The following NFIB variants were observed in gnomAD, a reference collection of about 807,000 sequenced individuals.
NFIB encodes the protein nuclear factor I B, also known as nuclear factor 1 B-type.
NFIB carries 11 observed loss-of-function variants against 61.5 expected under a neutral mutation model. The ratio of observed to expected loss-of-function variants is 0.18; its 90% CI spans 0.11 to 0.30. The LOEUF is 0.30. Ranked by LOEUF, NFIB falls within the 10% of genes least tolerant of loss-of-function variation. The pLI is 1.00. For missense variants in NFIB, 471 were observed against 608.9 expected (o/e 0.77, Z 2.38); for synonymous variants, 260 against 216.5 (o/e 1.20, Z -1.76).
At chr9:14,450,108 A>G in the NFIB span, among the ~76,000 whole-genome samples, 1 of 152,030 alleles carries the variant, frequency 6.6e-6, no homozygotes, top group South Asian at 2.1e-4. Context: ...TCTTAATGCT[A>G]TCCCTCCCCC....
the NFIB span, among the ~76,000 whole-genome samples, chr9:14,473,935 A>T: frequency 0.5 from 76,615 of 151,982 alleles, 19,545 homozygotes; most frequent in Middle Eastern, 0.6. Context: ...ACTGTGGCAC[A>T]GGCTTCAGTT....
At chr9:14,286,446 C>A (rs1190719515) in intron 2 of NFIB, among the ~76,000 whole-genome samples, 2 of 152,180 alleles carry the variant, frequency 1.3e-5, no homozygotes, top group African/African-American at 4.8e-5. Flanking sequence ...CATGTACACA[C>A]TACAAAAATA....
chr9:14,413,095 C>G, the NFIB span, among the ~76,000 whole-genome samples: 1 of 151,954 alleles, frequency 6.6e-6, no homozygotes, highest in African/African-American at 2.4e-5. Context: ...GAACTGCCTT[C>G]CCATCATGCT....
At chr9:14,159,970 T>G (rs2043957388) in intron 3 of NFIB, among the ~76,000 whole-genome samples, 1 of 152,156 alleles carries the variant, frequency 6.6e-6, no homozygotes, top group Admixed American at 6.5e-5. Flanking sequence ...TATAGTAAAT[T>G]CCCTTCGTCT....
chr9:14,368,014 G>T (rs2061321500), intron 1 of NFIB, among the ~76,000 whole-genome samples: 1 of 152,062 alleles, frequency 6.6e-6, no homozygotes. Context: ...TGTATCCCAG[G>T]TACCAAACAT....
the NFIB span, among the ~76,000 whole-genome samples, chr9:14,459,077 G>A: frequency 0.015 from 2,272 of 152,100 alleles, 28 homozygotes; most frequent in Non-Finnish European, 0.025. Context: ...TAAGCCAAAA[G>A]AACAAAGCTG....
At chr9:14,467,764 G>C in the NFIB span, among the ~76,000 whole-genome samples, 1 of 152,158 alleles carries the variant, frequency 6.6e-6, no homozygotes, top group Non-Finnish European at 1.5e-5. Context: ...AGAAAACTAA[G>C]AACTGTGTCT....
the NFIB span, among the ~76,000 whole-genome samples, chr9:14,406,473 C>T: frequency 6.6e-6 from 1 of 152,168 alleles, no homozygotes; most frequent in Non-Finnish European, 1.5e-5. Context: ...AGAATCTGGA[C>T]ATAGAGCCTA....
At chr9:14,334,260 T>C (rs2060857512) in intron 1 of NFIB, among the ~76,000 whole-genome samples, 1 of 152,240 alleles carries the variant, frequency 6.6e-6, no homozygotes, top group African/African-American at 2.4e-5. Context: ...TTATAAAGTA[T>C]GCCTGTGGTA....
intron 1 of NFIB, among the ~76,000 whole-genome samples, chr9:14,390,373 G>A (rs1372031017): frequency 6.6e-6 from 1 of 152,196 alleles, no homozygotes; most frequent in Non-Finnish European, 1.5e-5. Flanking sequence ...GGAAAGGAAT[G>A]TACAAGAGAA....
chr9:14,151,064 C>T (rs1045150988), intron 4 of NFIB, among the ~76,000 whole-genome samples: 3 of 152,060 alleles, frequency 2.0e-5, no homozygotes, highest in Non-Finnish European at 4.4e-5. Flanking sequence ...TTTAAACTCC[C>T]TCTGTATTAT....
intron 3 of NFIB, among the ~76,000 whole-genome samples, chr9:14,158,122 A>AC (rs1311704672): frequency 7.3e-5 from 11 of 151,692 alleles, no homozygotes; most frequent in African/African-American, 1.9e-4. Context: ...AAAAAAAAAA[A>AC]AAAACAAAAC....
intron 1 of NFIB, among the ~76,000 whole-genome samples, chr9:14,343,759 G>C (rs2060981772): frequency 6.7e-6 from 1 of 150,330 alleles, no homozygotes; most frequent in African/African-American, 2.5e-5. Flanking sequence ...GTGAGAGAAA[G>C]AGGGCAGGCA....
chr9:14,368,282 C>T (rs1484393341), intron 1 of NFIB, among the ~76,000 whole-genome samples: 1 of 152,084 alleles, frequency 6.6e-6, no homozygotes, highest in Admixed American at 6.5e-5. Context: ...AGCCAAGAAG[C>T]AGACATAAAG....
At chr9:14,373,042 A>G (rs989935463) in intron 1 of NFIB, among the ~76,000 whole-genome samples, 1 of 152,216 alleles carries the variant, frequency 6.6e-6, no homozygotes, top group African/African-American at 2.4e-5. Context: ...AGCTGTTTAT[A>G]TAGCGTTTCC....
chr9:14,234,963 T>C (rs2053597942), intron 2 of NFIB, among the ~76,000 whole-genome samples: 1 of 152,140 alleles, frequency 6.6e-6, no homozygotes. Flanking sequence ...TGAACAAATG[T>C]TGAATAACCA....
intron 4 of NFIB, among the ~76,000 whole-genome samples, chr9:14,150,727 A>G (rs2042777870): frequency 6.6e-6 from 1 of 152,118 alleles, no homozygotes; most frequent in Non-Finnish European, 1.5e-5. Context: ...ATCATTATTC[A>G]CAGCCTCCCA....
chr9:14,443,790 G>A, the NFIB span, among the ~76,000 whole-genome samples: 1 of 152,038 alleles, frequency 6.6e-6, no homozygotes, highest in African/African-American at 2.4e-5. Flanking sequence ...TGTAATATCC[G>A]TGAAGACAGA....
At chr9:14,345,101 G>C (rs1452318397) in intron 1 of NFIB, among the ~76,000 whole-genome samples, 1 of 152,094 alleles carries the variant, frequency 6.6e-6, no homozygotes, top group Non-Finnish European at 1.5e-5. Flanking sequence ...GGGGGAACTG[G>C]CCATTAACAC....
Sources: gnomAD v4.1 joint callset for allele counts (sites outside exome capture counted in the v4.1 genomes callset) on GRCh38, gnomAD v4.1.1 for gene constraint, MANE v1.5 for transcripts, NCBI Gene and HGNC (gene_info 2026-07-23, HGNC 2026-07-21) for gene names.